Variants in SUGCT observed in about 807,000 individuals in gnomAD.
SUGCT encodes succinyl-CoA:glutarate CoA-transferase.
In SUGCT, 41 loss-of-function variants were observed where a neutral mutation model predicts 55.0. The ratio of observed to expected loss-of-function variants is 0.74; its 90% CI spans 0.58 to 0.97. The LOEUF (loss-of-function observed/expected upper bound fraction) is 0.97. Ranked by LOEUF, SUGCT falls within the 50% of genes least tolerant of loss-of-function variation. The pLI is 0.00. For missense variants in SUGCT, 568 were observed against 547.8 expected, an observed-to-expected ratio of 1.04 and a Z score of -0.37; for synonymous variants, 187 against 200.4, an observed-to-expected ratio of 0.93 and a Z score of 0.56.
At chr7:40,489,335 C>G (rs1791555850) in intron 11 of SUGCT, among the ~76,000 whole-genome samples, 1 of 151,118 alleles carries the variant, frequency 6.6e-6, no homozygotes, top group Non-Finnish European at 1.5e-5. Flanking sequence ...TGTTACATTT[C>G]TCTGATATTT....
intron 12 of SUGCT, chr7:40,538,263 T>C (rs1469752682): frequency 6.6e-6 from 1 of 152,224 alleles, no homozygotes; most frequent in Non-Finnish European, 1.5e-5. Context: ...CCCTGAGCAT[T>C]AATAATGTTT....
At chr7:40,192,562 T>C (rs1413452646) in intron 5 of SUGCT, among the ~76,000 whole-genome samples, 1 of 151,996 alleles carries the variant, frequency 6.6e-6, no homozygotes, top group Non-Finnish European at 1.5e-5. Flanking sequence ...CTCTCATTTA[T>C]CCTATGCCTA....
chr7:40,961,192 C>T, the SUGCT span, among the ~76,000 whole-genome samples: 1 of 152,194 alleles, frequency 6.6e-6, no homozygotes, highest in Non-Finnish European at 1.5e-5. Context: ...ATACTTCAAA[C>T]TGGATTAATG....
At chr7:40,701,636 T>C (rs1426186495) in intron 12 of SUGCT, among the ~76,000 whole-genome samples, 1 of 152,242 alleles carries the variant, frequency 6.6e-6, no homozygotes, top group Admixed American at 6.5e-5. Context: ...CGGGCACTGA[T>C]AGAAGGTGAA....
At chr7:40,969,350 T>TTTTATGTA in the SUGCT span, among the ~76,000 whole-genome samples, 25 of 152,238 alleles carry the variant, frequency 1.6e-4, no homozygotes, top group South Asian at 5.2e-3. Flanking sequence ...AACTGATACA[T>TTTTATGTA]TTTATGTATT....
intron 12 of SUGCT, among the ~76,000 whole-genome samples, chr7:40,633,442 G>A (rs536937692): frequency 1.3e-5 from 2 of 152,210 alleles, no homozygotes; most frequent in East Asian, 3.9e-4. Context: ...TCAGGATTTC[G>A]AACATATTAA....
At chr7:40,827,378 G>A (rs1348057884) in intron 13 of SUGCT, among the ~76,000 whole-genome samples, 1 of 152,110 alleles carries the variant, frequency 6.6e-6, no homozygotes, top group Non-Finnish European at 1.5e-5. Flanking sequence ...GAGAAGGGGA[G>A]AGAAGCCTTC....
chr7:40,838,796 C>T (rs185868124), intron 13 of SUGCT, among the ~76,000 whole-genome samples: 17 of 152,148 alleles, frequency 1.1e-4, no homozygotes, highest in African/African-American at 3.6e-4. Context: ...TGAATAAGAG[C>T]GATGAAAGGG....
At chr7:40,682,056 A>G (rs932222297) in intron 12 of SUGCT, among the ~76,000 whole-genome samples, 25 of 152,158 alleles carry the variant, frequency 1.6e-4, no homozygotes, top group South Asian at 2.1e-4. Context: ...TTAGACTACT[A>G]TTACCTTTTT....
intron 12 of SUGCT, among the ~76,000 whole-genome samples, chr7:40,564,977 T>G (rs914223215): frequency 1.3e-5 from 2 of 152,230 alleles, no homozygotes; most frequent in African/African-American, 4.8e-5. Context: ...TCCAATTTCC[T>G]GTACCCCAGG....
chr7:40,744,903 CAG>C (rs918446459), intron 12 of SUGCT, among the ~76,000 whole-genome samples: 11 of 152,324 alleles, frequency 7.2e-5, no homozygotes, highest in South Asian at 2.1e-4. Flanking sequence ...TCAAGATAGG[CAG>C]AGTTACTTAC....
Position 40,312,117 on chromosome 7 carries a change from G to A in SUGCT, c.721-4643G>A, listed in dbSNP as rs147253093. ...TGCAATGGCGCGATCTCGGCTCACCGCAACCTCTGCTTCCCGGGTTCAAGC... is the reference window on the plus strand; with the variant it reads ...TGCAATGGCGCGATCTCGGCTCACCACAACCTCTGCTTCCCGGGTTCAAGC... On this transcript the variant is annotated intron_variant, in intron 8 of 13. Transcript: ENST00000335693. 5.9e-3 allele frequency among the ~76,000 whole-genome samples: 881 copies of A among 149,716 alleles called. 5 individuals are homozygous for A. The highest frequency in any genetic ancestry group is 0.021 in the African/African-American group (849 of 40,614).
chr7:40,868,156 C>T, the SUGCT span, among the ~76,000 whole-genome samples: 1 of 152,136 alleles, frequency 6.6e-6, no homozygotes, highest in Non-Finnish European at 1.5e-5. Context: ...TATTTCTCCT[C>T]CCCTTGACAC....
intron 11 of SUGCT, 130 bp downstream of exon 11, chr7:40,459,328 C>T: frequency 1.6e-6 from 1 of 610,268 alleles, no homozygotes; most frequent in South Asian, 2.3e-5. Context: ...ACAAAACTGG[C>T]TGGTGGAGAG....
At chr7:40,498,906 G>A (rs540802567) in intron 12 of SUGCT, 1 of 365,752 alleles carries the variant, frequency 2.7e-6, no homozygotes, top group South Asian at 2.1e-5. Flanking sequence ...AAATATATCT[G>A]CAAAATCTAT....
At chr7:40,470,626 A>G (rs77513578) in intron 11 of SUGCT, among the ~76,000 whole-genome samples, 4,333 of 152,138 alleles carry the variant, frequency 0.028, 149 homozygotes, top group African/African-American at 0.075. Context: ...TCAGATTGCT[A>G]TCTTCTGATT....
At chr7:41,014,993 T>C in the SUGCT span, among the ~76,000 whole-genome samples, 2 of 152,316 alleles carry the variant, frequency 1.3e-5, no homozygotes, top group African/African-American at 4.8e-5. Flanking sequence ...CTGAGAATTA[T>C]GATCTTTTTA....
the SUGCT span, among the ~76,000 whole-genome samples, chr7:41,011,588 G>A: frequency 2.0e-5 from 3 of 152,192 alleles, no homozygotes; most frequent in African/African-American, 7.2e-5. Flanking sequence ...TATTTCCCAA[G>A]TGTTTCATAA....
intron 9 of SUGCT, among the ~76,000 whole-genome samples, chr7:40,400,086 T>C (rs1158825420): frequency 6.6e-6 from 1 of 152,084 alleles, no homozygotes; most frequent in Non-Finnish European, 1.5e-5. Flanking sequence ...AAATAGATTT[T>C]ATCTATCAGA....
Sources: allele counts gnomAD v4.1 joint callset (sites outside exome capture counted in the v4.1 genomes callset), GRCh38; gene constraint gnomAD v4.1.1; transcripts MANE v1.5; gene names NCBI Gene and HGNC (gene_info 2026-07-23, HGNC 2026-07-21).